RANBP2: variants seen among roughly 807,000 people sequenced by gnomAD.
RANBP2 encodes the protein E3 SUMO-protein ligase RanBP2.
A neutral mutation model predicts 303.6 loss-of-function variants in RANBP2; 57 were observed. That is an observed-to-expected ratio of 0.19 (90% CI 0.15 to 0.23). The LOEUF (loss-of-function observed/expected upper bound fraction) is 0.23, where lower values mean the gene tolerates loss of function less well. Among genes scored for constraint, RANBP2 ranks in the 10% least tolerant of loss-of-function variants. The pLI is 1.00. For synonymous variants in RANBP2, 1,167 were observed against 1,301.5 expected (o/e 0.90, Z 2.23); for missense variants, 3,138 against 3,780.8 (o/e 0.83, Z 4.46).
At chr2:109,015,846 T>C in the RANBP2 span, among the ~76,000 whole-genome samples, 1 of 152,216 alleles carries the variant, frequency 6.6e-6, no homozygotes, top group African/African-American at 2.4e-5. Context: ...ACTGTTTATG[T>C]TATCCGTAAG....
At chr2:109,579,764 T>C in the RANBP2 span, among the ~76,000 whole-genome samples, 32 of 152,036 alleles carry the variant, frequency 2.1e-4, no homozygotes, top group African/African-American at 5.5e-4. Context: ...TTCCAGAAAA[T>C]AGAGAATGAA....
chr2:109,246,349 C>T, the RANBP2 span, among the ~76,000 whole-genome samples: 1,758 of 152,238 alleles, frequency 0.012, 41 homozygotes, highest in African/African-American at 0.04. Flanking sequence ...CTGTGTCCTC[C>T]CATGGTAGAG....
At chr2:109,432,757 T>A in the RANBP2 span, 1 of 1,485,018 alleles carries the variant, frequency 6.7e-7, no homozygotes, top group Admixed American at 2.3e-5. Flanking sequence ...GAGGCTACTC[T>A]GTCAGCCGGG....
the RANBP2 span, among the ~76,000 whole-genome samples, chr2:109,622,863 C>T: frequency 1.3e-5 from 2 of 152,190 alleles, no homozygotes; most frequent in East Asian, 1.9e-4. Context: ...CACAGTGGCT[C>T]ATGCCTGTAA....
chr2:109,286,899 A>G, the RANBP2 span, among the ~76,000 whole-genome samples: 14 of 152,302 alleles, frequency 9.2e-5, no homozygotes, highest in African/African-American at 1.9e-4. Context: ...AAAGCAGTCA[A>G]TGCTGTGAGT....
At chr2:108,873,534 G>C in the RANBP2 span, 10 of 1,611,820 alleles carry the variant, frequency 6.2e-6, no homozygotes, top group East Asian at 2.0e-4. Context: ...CCCTAAGCTT[G>C]ATCTTCAAAT....
the RANBP2 span, chr2:109,585,035 T>A: frequency 1.6e-6 from 1 of 632,022 alleles, no homozygotes; most frequent in Non-Finnish European, 2.6e-6. Context: ...TGGATTACCA[T>A]AGGAGAAAAT....
chr2:108,896,250 T>C, the RANBP2 span: 1 of 152,464 alleles, frequency 6.6e-6, no homozygotes, highest in Admixed American at 6.5e-5. Context: ...ACCTCAAGGA[T>C]AGGTAAAAAG....
chr2:109,189,458 T>A, the RANBP2 span, among the ~76,000 whole-genome samples: 2 of 151,140 alleles, frequency 1.3e-5, no homozygotes, highest in African/African-American at 4.9e-5. Context: ...AACCTCTGCC[T>A]CCTGGGTTCA....
the RANBP2 span, among the ~76,000 whole-genome samples, chr2:108,866,099 C>T: frequency 9.9e-5 from 15 of 152,164 alleles, no homozygotes; most frequent in Non-Finnish European, 1.9e-4. Flanking sequence ...TTCACACCTA[C>T]TGGGATGCAG....
the RANBP2 span, among the ~76,000 whole-genome samples, chr2:108,859,672 A>G: frequency 6.6e-6 from 1 of 152,098 alleles, no homozygotes; most frequent in South Asian, 2.1e-4. Context: ...GTCTTTTTAT[A>G]TACCAGTACC....
the RANBP2 span, among the ~76,000 whole-genome samples, chr2:109,138,188 G>A: frequency 2.6e-5 from 4 of 152,240 alleles, no homozygotes; most frequent in Non-Finnish European, 4.4e-5. Flanking sequence ...GCTAACGCCC[G>A]GCTAATTTTT....
At chr2:109,088,472 A>G in the RANBP2 span, among the ~76,000 whole-genome samples, 1 of 150,674 alleles carries the variant, frequency 6.6e-6, no homozygotes, top group Non-Finnish European at 1.5e-5. Context: ...ATCACCTAGG[A>G]TGTTTTAGGG....
chr2:109,565,919 A>T, the RANBP2 span: 1 of 1,353,312 alleles, frequency 7.4e-7, no homozygotes, highest in Non-Finnish European at 1.1e-6. Context: ...TAGATAAAAT[A>T]AATTTTATGT....
chr2:109,595,966 T>G, the RANBP2 span, among the ~76,000 whole-genome samples: 3 of 152,250 alleles, frequency 2.0e-5, no homozygotes, highest in Non-Finnish European at 4.4e-5. Flanking sequence ...CTATAAGTGA[T>G]GCACAACACA....
At chr2:109,459,637 C>T in the RANBP2 span, among the ~76,000 whole-genome samples, 2 of 152,174 alleles carry the variant, frequency 1.3e-5, no homozygotes, top group Admixed American at 6.5e-5. Flanking sequence ...GTCACCCGAG[C>T]CAGCACAGTA....
At chr2:108,788,079 A>T, downstream of RANBP2, 1 of 1,601,826 alleles carries the variant, frequency 6.2e-7, no homozygotes. Flanking sequence ...GAAGAACTCT[A>T]ACCTCCCCAG....
At chr2:109,028,925 G>GTTTA in the RANBP2 span, among the ~76,000 whole-genome samples, 1 of 152,026 alleles carries the variant, frequency 6.6e-6, no homozygotes, top group Non-Finnish European at 1.5e-5. Context: ...AGTTGTGATT[G>GTTTA]TTTATTTATT....
the RANBP2 span, among the ~76,000 whole-genome samples, chr2:109,602,852 T>A: frequency 7.2e-6 from 1 of 139,340 alleles, no homozygotes; most frequent in East Asian, 2.1e-4. Flanking sequence ...GAGAAATAGA[T>A]ACCCATTAAA....
Sources: gnomAD v4.1 joint callset for allele counts (sites outside exome capture counted in the v4.1 genomes callset) on GRCh38, gnomAD v4.1.1 for gene constraint, MANE v1.5 for transcripts, NCBI Gene and HGNC (gene_info 2026-07-23, HGNC 2026-07-21) for gene names.